ZFP30: variants seen among roughly 807,000 people sequenced by gnomAD.
ZFP30 encodes the protein ZFP30 zinc finger protein.
A neutral mutation model predicts 12.3 loss-of-function variants in ZFP30; 16 were observed. That is an observed-to-expected ratio of 1.30 (90% CI 0.88 to 1.98). ZFP30 has a LOEUF of 1.98. ZFP30 is among the 30% of genes most tolerant of loss of function. The pLI is 0.00. For synonymous variants in ZFP30, 172 were observed against 201.0 expected (o/e 0.86, Z 1.22); for missense variants, 560 against 611.2 (o/e 0.92, Z 0.88).
In ZFP30 at chr19:37,636,027, G is replaced by C. The variant is rs1474417827; in HGVS notation, c.514C>G (p.Gln172Glu). ...TGAATTCTTTGATGGAAAGTAAGTT[G>C]TTGTCGTACTCTAAAAGCCTTCCCA... Reference protein sequence around the residue: ...ECGKAFRVRQQLTFHQRIHTG... With the variant: ...ECGKAFRVRQELTFHQRIHTG... Residue 172 changes from glutamine (Q) to glutamate (E), a missense_variant, in exon 6 of 6, where the codon CAA becomes GAA. Physicochemically the swap from Gln to Glu is conservative, Grantham distance 29. Coordinates refer to ENST00000684514, the MANE Select transcript of ZFP30 (RefSeq NM_001320669.3). The C allele has an allele frequency of 1.2e-6, 2 of 1,614,176 alleles. No homozygotes were observed. Among genetic ancestry groups the C allele is most frequent in the Non-Finnish European group, 1.7e-6 (2 of 1,180,024 alleles).
chr19:37,653,632 C>T (rs2044696271), intron 2 of ZFP30, among the ~76,000 whole-genome samples: 1 of 152,076 alleles, frequency 6.6e-6, no homozygotes, highest in Non-Finnish European at 1.5e-5. Context: ...TTAACCATTT[C>T]CATACTGCTA....
intron 5 of ZFP30, among the ~76,000 whole-genome samples, chr19:37,642,078 T>C (rs2044446912): frequency 6.6e-6 from 1 of 152,232 alleles, no homozygotes; most frequent in South Asian, 2.1e-4. Context: ...TTGCCTCTAT[T>C]TCTTTGATGC....
chr19:37,635,542 CT>C lies in ZFP30; in HGVS notation c.998del (p.Lys333ArgfsTer37), dbSNP rs1721595810. 4 of 1,614,108 alleles carry C rather than the reference CT, an allele frequency of 2.5e-6. No homozygotes were observed. Among genetic ancestry groups the C allele is most frequent in the Admixed American group, 1.7e-5 (1 of 60,016 alleles). On this transcript the variant is annotated frameshift_variant, in exon 6 of 6. Transcript: ENST00000684514. LOFTEE classifies it low-confidence loss of function (END_TRUNC). ...TAAGTTGCTGCCGCACTCTAAAGGC[CT>C]TTCCACACTCCTTACATTCATAGGG... ...EKPYECKECGKAFRVRQQLTL... is the reference protein window; with the variant it reads ...EKPYECKECGXAFRVRQQLTL...
chr19:37,645,192 G>A (rs1391596722), intron 3 of ZFP30, among the ~76,000 whole-genome samples: 6 of 150,156 alleles, frequency 4.0e-5, no homozygotes, highest in Admixed American at 1.3e-4. Flanking sequence ...GTGACAGAGC[G>A]ACAGAGCGAG....
At chr19:37,645,652 A>G (rs1223990450) in intron 3 of ZFP30, among the ~76,000 whole-genome samples, 1 of 151,050 alleles carries the variant, frequency 6.6e-6, no homozygotes, top group South Asian at 2.1e-4. Flanking sequence ...AATTATCAGA[A>G]TTTTTCAATT....
At position 37,632,492 on chromosome 19, in the gene ZFP30, G is replaced by A. The variant is rs1013078199; in HGVS notation, c.*2489C>T. 2.6e-5 allele frequency: 4 copies of A among 152,000 alleles called. No homozygotes were observed. Among genetic ancestry groups the A allele is most frequent in the Non-Finnish European group, 5.9e-5 (4 of 67,996 alleles). 9.4% of individuals were successfully genotyped at this position (152,000 alleles called of 1,614,324 possible). A position where few individuals can be genotyped will look rare whatever the true frequency, so the allele number is the denominator to read the frequency against. ...AAAGAAACACACACAAAAAAACCAA[G>A]TCTACTTTTTATTGTTTATGCCAGC... On this transcript the variant is annotated 3_prime_UTR_variant, in exon 6 of 6. Transcript: ENST00000684514.
At chr19:37,637,000 C>G (rs915502001) in intron 5 of ZFP30, among the ~76,000 whole-genome samples, 5 of 151,982 alleles carry the variant, frequency 3.3e-5, no homozygotes, top group Non-Finnish European at 4.4e-5. Context: ...CGTGAGCCAC[C>G]ACATCCGACC....
intron 2 of ZFP30, among the ~76,000 whole-genome samples, chr19:37,650,714 T>A (rs1464890998): frequency 6.6e-6 from 1 of 151,730 alleles, no homozygotes; most frequent in Admixed American, 6.6e-5. Context: ...AGTCCCTTTG[T>A]CCTTTCAATA....
At chr19:37,647,329 G>A (rs1390613947) in intron 3 of ZFP30, among the ~76,000 whole-genome samples, 1 of 152,214 alleles carries the variant, frequency 6.6e-6, no homozygotes, top group Non-Finnish European at 1.5e-5. Context: ...TAATTCCCAT[G>A]TGTTGTGGGA....
At position 37,651,542 on chromosome 19, in the gene ZFP30, C is replaced by CT. The variant is rs2044651508; in HGVS notation, c.-78+3169dup. 2.0e-5 allele frequency: 3 copies of CT among 147,790 alleles called. No individual in the cohort carries two copies. In the Admixed American group the frequency reaches 2.1e-4, roughly 10 times the overall value. The allele number at this position is 147,790 out of a possible 1,614,324, so 9.2% of individuals were successfully genotyped here. The stretch of plus-strand genomic sequence containing the variant: ...AGTGAGCCGAGATCACGCCACTGCA[C>CT]TCTAGCCTGGGCGACAGAGCAAGAC... On this transcript the variant is annotated intron_variant, in intron 2 of 5. Transcript: ENST00000684514.
chr19:37,653,740 T>C (rs1184951309), intron 2 of ZFP30, among the ~76,000 whole-genome samples: 1 of 152,194 alleles, frequency 6.6e-6, no homozygotes, highest in Non-Finnish European at 1.5e-5. Context: ...ACAACTCTGA[T>C]AATACCATGA....
Position 37,636,228 on chromosome 19 carries a change from C to G in ZFP30, c.313G>C (p.Val105Leu), listed in dbSNP as rs1256989382. Residue 105 changes from valine (V) to leucine (L), a missense_variant, in exon 6 of 6, where the codon GTA becomes CTA. Coordinates refer to ENST00000684514, the MANE Select transcript of ZFP30 (RefSeq NM_001320669.3). Reference protein sequence around the residue: ...IYEMNLSQWKVMERIKSCGLE... With the variant: ...IYEMNLSQWKLMERIKSCGLE... ...CCACAGCTTTTAATTCTTTCCATTA[C>G]CTTCCACTGAGATAAGTTCATTTCA... is the stretch of plus-strand genomic sequence containing the variant. 6.2e-7 allele frequency: 1 copy of G among 1,613,694 alleles called. No homozygotes were observed.
intron 5 of ZFP30, among the ~76,000 whole-genome samples, chr19:37,641,655 C>T (rs2044437755): frequency 6.6e-6 from 1 of 152,130 alleles, no homozygotes; most frequent in Non-Finnish European, 1.5e-5. Flanking sequence ...TACACATAAC[C>T]ACAATACCAT....
rs1220161194 is a variant in ZFP30, at chr19:37,632,660, T to C, written c.*2321A>G. 5 of 152,190 alleles carry C rather than the reference T, an allele frequency of 3.3e-5. No homozygotes were observed. The highest frequency in any genetic ancestry group is 7.3e-5 in the Non-Finnish European group (5 of 68,036). The allele number at this position is 152,190 out of a possible 1,614,324, so 9.4% of individuals were successfully genotyped here. ...TTCAATATGTACTCAATATGAAAAA[T>C]TGAGATACTTAACTTTTTTAAAATA... On this transcript the variant is annotated 3_prime_UTR_variant, in exon 6 of 6. Coordinates refer to ENST00000684514, the MANE Select transcript of ZFP30 (RefSeq NM_001320669.3).
intron 2 of ZFP30, among the ~76,000 whole-genome samples, chr19:37,649,978 C>T (rs777384415): frequency 5.9e-5 from 9 of 151,896 alleles, no homozygotes; most frequent in Non-Finnish European, 8.8e-5. Flanking sequence ...AATTGTATTT[C>T]GGCAGGTAAA....
intron 2 of ZFP30, among the ~76,000 whole-genome samples, chr19:37,649,683 G>A (rs1034544808): frequency 6.6e-6 from 1 of 151,942 alleles, no homozygotes; most frequent in African/African-American, 2.4e-5. Context: ...AATTAACGGG[G>A]CATGGTGGTG....
Position 37,635,857 on chromosome 19 carries a change from G to T in ZFP30, c.684C>A (p.Asp228Glu). The change falls in exon 6 of 6, where the codon GAC becomes GAA. Residue 228 changes from aspartate (D) to glutamate (E), a missense_variant. Physicochemically the swap from Asp to Glu is conservative, Grantham distance 45. Transcript: ENST00000684514. ...TATGAATTCTCTGATGTACTCGAAG[G>T]TCTGAGCCACATGTGAAGATCTTTC... ...KCGKIFTCGSDLRVHQRIHIG... is the reference protein window; with the variant it reads ...KCGKIFTCGSELRVHQRIHIG... 5.0e-6 allele frequency: 8 copies of T among 1,614,080 alleles called. No individual in the cohort carries two copies. The highest frequency in any genetic ancestry group is 6.8e-6 in the Non-Finnish European group (8 of 1,180,022).
intron 2 of ZFP30, among the ~76,000 whole-genome samples, chr19:37,649,119 C>T (rs1242609240): frequency 6.6e-6 from 1 of 151,930 alleles, no homozygotes; most frequent in Admixed American, 6.6e-5. Flanking sequence ...TTGGCACCTG[C>T]CTGTATCCCT....
At chr19:37,652,201 C>G (rs1223026164) in intron 2 of ZFP30, among the ~76,000 whole-genome samples, 1 of 152,120 alleles carries the variant, frequency 6.6e-6, no homozygotes, top group Non-Finnish European at 1.5e-5. Flanking sequence ...GCACTGAATT[C>G]CTCTTTTAAA....
Sources: allele counts gnomAD v4.1 joint callset (sites outside exome capture counted in the v4.1 genomes callset), GRCh38; gene constraint gnomAD v4.1.1; transcripts MANE v1.5; gene names NCBI Gene and HGNC (gene_info 2026-07-23, HGNC 2026-07-21).